JAZF1: variants seen among roughly 807,000 people sequenced by gnomAD.
JAZF1 encodes juxtaposed with another zinc finger protein 1.
In JAZF1, 8 loss-of-function variants were observed where a neutral mutation model predicts 26.4. That is an observed-to-expected ratio of 0.30 (90% CI 0.18 to 0.55). JAZF1 has a LOEUF of 0.55. JAZF1 is among the 20% of genes least tolerant of loss of function. The pLI, the probability that JAZF1 is intolerant of heterozygous loss-of-function variation, is 0.94. For missense variants in JAZF1, 199 were observed against 322.0 expected, an observed-to-expected ratio of 0.62 and a Z score of 2.92; for synonymous variants, 126 against 122.3, an observed-to-expected ratio of 1.03 and a Z score of -0.20.
intron 1 of JAZF1, among the ~76,000 whole-genome samples, chr7:28,023,790 T>C (rs1783045417): frequency 6.6e-6 from 1 of 152,146 alleles, no homozygotes; most frequent in Admixed American, 6.5e-5. Flanking sequence ...AGACAGACAA[T>C]GACAGCCCAA....
chr7:28,151,303 C>T (rs2127948588), intron 1 of JAZF1, among the ~76,000 whole-genome samples: 1 of 151,796 alleles, frequency 6.6e-6, no homozygotes, highest in East Asian at 2.0e-4. Flanking sequence ...CAAGGTTTCA[C>T]CATGTTGCCC....
At chr7:27,988,069 C>A (rs1256755389) in intron 2 of JAZF1, among the ~76,000 whole-genome samples, 1 of 152,138 alleles carries the variant, frequency 6.6e-6, no homozygotes, top group Non-Finnish European at 1.5e-5. Flanking sequence ...GCAGGGTCCT[C>A]TGCCTAGGAA....
intron 1 of JAZF1, among the ~76,000 whole-genome samples, chr7:28,076,087 G>A (rs905910791): frequency 6.6e-6 from 1 of 152,202 alleles, no homozygotes; most frequent in Admixed American, 6.5e-5. Context: ...GCCTTGATTG[G>A]ATGGGGTCCC....
intron 3 of JAZF1, among the ~76,000 whole-genome samples, chr7:27,879,919 G>A (rs534252776): frequency 1.3e-5 from 2 of 152,286 alleles, no homozygotes; most frequent in African/African-American, 4.8e-5. Flanking sequence ...AAAATGTACT[G>A]AGAACACATC....
intron 1 of JAZF1, among the ~76,000 whole-genome samples, chr7:28,012,366 C>A (rs1011515498): frequency 6.6e-5 from 10 of 152,208 alleles, no homozygotes; most frequent in African/African-American, 2.4e-4. Context: ...CATTAAATCT[C>A]CCTACCTGAC....
intron 1 of JAZF1, among the ~76,000 whole-genome samples, chr7:28,170,171 C>A (rs1417399261): frequency 6.6e-6 from 1 of 152,064 alleles, no homozygotes. Flanking sequence ...TGCATGCAAT[C>A]CCAGCTACCA....
intron 1 of JAZF1, among the ~76,000 whole-genome samples, chr7:28,134,992 C>T (rs1782857808): frequency 6.6e-6 from 1 of 152,164 alleles, no homozygotes; most frequent in Admixed American, 6.5e-5. Context: ...ATTATACTTG[C>T]ACTATTACTT....
chr7:28,043,577 T>C (rs1330582044), intron 1 of JAZF1, among the ~76,000 whole-genome samples: 2 of 152,176 alleles, frequency 1.3e-5, no homozygotes, highest in Non-Finnish European at 2.9e-5. Context: ...TGTAGAAAAC[T>C]GGCAGATCCT....
At chr7:27,913,134 A>G (rs952965153) in intron 2 of JAZF1, among the ~76,000 whole-genome samples, 1 of 151,984 alleles carries the variant, frequency 6.6e-6, no homozygotes, top group South Asian at 2.1e-4. Flanking sequence ...GAGGGCCTCC[A>G]GAATCTGCCT....
intron 1 of JAZF1, among the ~76,000 whole-genome samples, chr7:28,079,380 C>T (rs1027548462): frequency 2.0e-5 from 3 of 152,170 alleles, no homozygotes; most frequent in Non-Finnish European, 2.9e-5. Flanking sequence ...AGCTGCCTCC[C>T]GCTTCTGTTT....
At chr7:28,018,060 G>A (rs1782928152) in intron 1 of JAZF1, among the ~76,000 whole-genome samples, 2 of 152,170 alleles carry the variant, frequency 1.3e-5, no homozygotes, top group Non-Finnish European at 2.9e-5. Flanking sequence ...CCTCTATGAA[G>A]GAAACGGGCA....
At chr7:28,143,963 G>A (rs904640120) in intron 1 of JAZF1, among the ~76,000 whole-genome samples, 1 of 152,122 alleles carries the variant, frequency 6.6e-6, no homozygotes, top group Non-Finnish European at 1.5e-5. Context: ...GAGCCTAGAA[G>A]GTGCTCTGTA....
intron 1 of JAZF1, among the ~76,000 whole-genome samples, chr7:28,134,327 G>T (rs963515428): frequency 6.6e-6 from 1 of 152,126 alleles, no homozygotes; most frequent in African/African-American, 2.4e-5. Context: ...GAGAGACAGG[G>T]TCTTGCTCTG....
chr7:27,863,452 C>G (rs1020177513), intron 3 of JAZF1, among the ~76,000 whole-genome samples: 15 of 152,208 alleles, frequency 9.9e-5, no homozygotes, highest in African/African-American at 3.6e-4. Flanking sequence ...AATGTCACTT[C>G]CCCCAGGAGG....
At chr7:27,909,180 T>G (rs1784316611) in intron 2 of JAZF1, among the ~76,000 whole-genome samples, 1 of 148,498 alleles carries the variant, frequency 6.7e-6, no homozygotes, top group Non-Finnish European at 1.5e-5. Context: ...CTGCTAATTT[T>G]GAATAACCAC....
chr7:28,015,831 C>G (rs1398652089), intron 1 of JAZF1, among the ~76,000 whole-genome samples: 1 of 152,128 alleles, frequency 6.6e-6, no homozygotes. Flanking sequence ...TGAAGGGGAC[C>G]TGCCCATGCT....
chr7:28,000,775 C>T (rs753035168), intron 1 of JAZF1, among the ~76,000 whole-genome samples: 4 of 151,832 alleles, frequency 2.6e-5, no homozygotes, highest in Non-Finnish European at 5.9e-5. Flanking sequence ...TCCGCCACCA[C>T]ACCTGACTAA....
intron 1 of JAZF1, among the ~76,000 whole-genome samples, chr7:28,012,540 C>G (rs370586162): frequency 2.6e-5 from 4 of 152,206 alleles, no homozygotes; most frequent in Non-Finnish European, 4.4e-5. Context: ...ATTAAGGCCA[C>G]TGAAGGGTGT....
chr7:28,135,440 T>C (rs1782867457), intron 1 of JAZF1, among the ~76,000 whole-genome samples: 1 of 152,250 alleles, frequency 6.6e-6, no homozygotes, highest in Non-Finnish European at 1.5e-5. Context: ...TAATTGCTTA[T>C]AAGAACAAAC....
Sources: gnomAD v4.1 joint callset for allele counts (sites outside exome capture counted in the v4.1 genomes callset) on GRCh38, gnomAD v4.1.1 for gene constraint, MANE v1.5 for transcripts, NCBI Gene and HGNC (gene_info 2026-07-23, HGNC 2026-07-21) for gene names.